Variants in CDK15 observed in about 807,000 individuals in gnomAD.
The protein encoded by CDK15 is cyclin dependent kinase 15.
A neutral mutation model predicts 60.3 loss-of-function variants in CDK15; 62 were observed. The observed-to-expected ratio is 1.03, with a 90% CI of 0.84 to 1.27. CDK15 has a LOEUF of 1.27. Ranked by LOEUF, CDK15 falls within the 50% of genes most tolerant of loss-of-function variation. The probability of loss-of-function intolerance (pLI) is 0.00; values close to 1 mark genes in which losing one functional copy is unlikely to be tolerated. For missense variants in CDK15, 541 were observed against 527.8 expected, an observed-to-expected ratio of 1.03 and a Z score of -0.25; for synonymous variants, 194 against 195.7, an observed-to-expected ratio of 0.99 and a Z score of 0.07.
chr2:201,867,454 T>A (rs917730336), intron 10 of CDK15, among the ~76,000 whole-genome samples: 16 of 152,066 alleles, frequency 1.1e-4, no homozygotes, highest in African/African-American at 3.1e-4. Flanking sequence ...GGAGACCCCA[T>A]CTCTACAGAA....
Position 201,881,208 on chromosome 2 carries a change from G to A in CDK15, c.1198+1041G>A, listed in dbSNP as rs996262724. 3.3e-5 allele frequency among the ~76,000 whole-genome samples: 5 copies of A among 152,164 alleles called. No individual in the cohort carries two copies. The East Asian group carries it at 5.8e-4, about 18-fold the overall frequency. ...GCAGCTCCTCTGTGTCTAGGACATCGTCCTGCAGCAGTCCAAAGCGCTTAG... is the reference window on the plus strand; with the variant it reads ...GCAGCTCCTCTGTGTCTAGGACATCATCCTGCAGCAGTCCAAAGCGCTTAG... On this transcript the variant is annotated intron_variant, in intron 12 of 13. Coordinates refer to ENST00000652192, the MANE Select transcript of CDK15 (RefSeq NM_001366386.2).
intron 12 of CDK15, among the ~76,000 whole-genome samples, chr2:201,881,087 G>A (rs973299535): frequency 5.3e-5 from 8 of 152,082 alleles, no homozygotes; most frequent in African/African-American, 1.7e-4. Flanking sequence ...GGGGAGTGGC[G>A]ATGGGGTGCA....
chr2:201,884,515 C>T (rs1699389691), intron 12 of CDK15, among the ~76,000 whole-genome samples: 3 of 152,110 alleles, frequency 2.0e-5, no homozygotes, highest in Admixed American at 1.3e-4. Flanking sequence ...AAATCTGAGT[C>T]GTGTTTTGTT....
intron 3 of CDK15, among the ~76,000 whole-genome samples, chr2:201,811,748 T>C (rs928837864): frequency 6.6e-6 from 1 of 152,192 alleles, no homozygotes; most frequent in Non-Finnish European, 1.5e-5. Flanking sequence ...TTCTAAGTAA[T>C]GCGTGGAGAT....
intron 9 of CDK15, among the ~76,000 whole-genome samples, chr2:201,854,241 C>A (rs1357774592): frequency 6.6e-6 from 1 of 151,720 alleles, no homozygotes; most frequent in African/African-American, 2.4e-5. Flanking sequence ...GTTCCCATGA[C>A]AATCCATCAG....
intron 10 of CDK15, chr2:201,860,744 G>A (rs900933737): frequency 3.7e-6 from 5 of 1,352,032 alleles, no homozygotes; most frequent in Non-Finnish European, 4.9e-6. Context: ...CCACCAGGTG[G>A]AAGCAAGAAA....
chr2:201,848,383 T>C (rs1177334645), intron 9 of CDK15, among the ~76,000 whole-genome samples: 1 of 152,118 alleles, frequency 6.6e-6, no homozygotes, highest in Non-Finnish European at 1.5e-5. Flanking sequence ...TTTATTGTGG[T>C]AAAATATACA....
At position 201,816,277 on chromosome 2, in the gene CDK15, C is replaced by G. The variant is rs185708020; in HGVS notation, c.448+3715C>G. On this transcript the variant is annotated intron_variant, in intron 4 of 13. Transcript: ENST00000652192. ...CCGTGTCCCTCTCCCTTCCTCTCCC[C>G]TTTTGGAGTCCCTGGTGTAGTGTCT... Among the ~76,000 whole-genome samples, 1,125 of 152,168 alleles carry G rather than the reference C, an allele frequency of 7.4e-3. 12 individuals are homozygous for G. The highest frequency in any genetic ancestry group is 0.026 in the African/African-American group (1,063 of 41,516).
intron 9 of CDK15, 73 bp from the exon 10 acceptor site, chr2:201,854,801 A>G: frequency 7.8e-7 from 1 of 1,282,366 alleles, no homozygotes. Context: ...TTTGTCCTGC[A>G]TGTCTCCATA....
chr2:201,863,858 T>C (rs970068120), intron 10 of CDK15, among the ~76,000 whole-genome samples: 1 of 152,158 alleles, frequency 6.6e-6, no homozygotes, highest in African/African-American at 2.4e-5. Context: ...ATCATGCTGC[T>C]GCACTCTAGC....
At position 201,822,914 on chromosome 2, in the gene CDK15, C is replaced by T. The variant is rs200823522; in HGVS notation, c.543+11C>T. ...GTTTTTGAATACATGGTGAGTTGTTCGAGCATTTTACAACACTTGAGAAAA... is the reference window on the plus strand; with the variant it reads ...GTTTTTGAATACATGGTGAGTTGTTTGAGCATTTTACAACACTTGAGAAAA... On this transcript the variant is annotated intron_variant, in intron 5 of 13. Coordinates refer to ENST00000652192, the MANE Select transcript of CDK15 (RefSeq NM_001366386.2). 133 of 1,539,494 alleles carry T rather than the reference C, an allele frequency of 8.6e-5. No individual in the cohort carries two copies. The highest frequency in any genetic ancestry group is 1.7e-4 in the Middle Eastern group (1 of 5,938).
At chr2:201,880,216 G>T (rs765374905) in intron 12 of CDK15, 49 bp downstream of exon 12, 50 of 1,594,366 alleles carry the variant, frequency 3.1e-5, no homozygotes, top group Non-Finnish European at 4.0e-5. Context: ...GCGTGAGTGC[G>T]TGTGTGTGTA....
In CDK15 at chr2:201,835,793, A is replaced by T. The variant is rs147629665; in HGVS notation, c.851+30A>T. 8.5e-4 allele frequency: 1,246 copies of T among 1,466,454 alleles called. 13 individuals carry two copies. The African/African-American group carries it at 0.016, about 19-fold the overall frequency. 90.8% of individuals were successfully genotyped at this position (1,466,454 alleles called of 1,614,324 possible). A position where few individuals can be genotyped will look rare whatever the true frequency, so the allele number is the denominator to read the frequency against. On this transcript the variant is annotated intron_variant, in intron 8 of 13. Transcript: ENST00000652192. The stretch of plus-strand genomic sequence containing the variant: ...GAGTGGTGCCGAGAAAATGTGAGTC[A>T]TCCTACTCACGAGGGTTGCTTTATC...
At chr2:201,853,943 C>T (rs1574905060) in intron 9 of CDK15, among the ~76,000 whole-genome samples, 3 of 152,100 alleles carry the variant, frequency 2.0e-5, no homozygotes, top group Admixed American at 6.6e-5. Flanking sequence ...GGGCAGATCA[C>T]GAGGTCAGGA....
chr2:201,857,879 C>T (rs911880429), intron 10 of CDK15, among the ~76,000 whole-genome samples: 4 of 152,164 alleles, frequency 2.6e-5, no homozygotes, highest in Non-Finnish European at 4.4e-5. Flanking sequence ...CTTCTAAACA[C>T]TTGAATGTCA....
intron 7 of CDK15, 31 bp from the exon 8 acceptor site, chr2:201,835,612 G>A (rs539708160): frequency 1.3e-5 from 20 of 1,565,438 alleles, no homozygotes; most frequent in Middle Eastern, 2.2e-4. Context: ...GGTCCAGAAC[G>A]ATGGGTTTTA....
At chr2:201,877,967 G>C (rs985994377) in intron 11 of CDK15, among the ~76,000 whole-genome samples, 1 of 152,144 alleles carries the variant, frequency 6.6e-6, no homozygotes, top group African/African-American at 2.4e-5. Flanking sequence ...CTGCATCATG[G>C]CACCTGGAAG....
chr2:201,854,923 C>G lies in CDK15; in HGVS notation c.995C>G (p.Pro332Arg). 6 of 1,613,978 alleles carry G rather than the reference C, an allele frequency of 3.7e-6. No homozygotes were observed. The highest frequency in any genetic ancestry group is 5.1e-6 in the Non-Finnish European group (6 of 1,179,872). ...EDTWPGVSKL[P>R]NYNPEWFPLP... is the part of the protein sequence containing the mutation. The stretch of plus-strand genomic sequence containing the variant: ...ACTTGGCCGGGAGTCTCCAAGCTAC[C>G]TAACTACAATCCAGGTAATATTGAT... The change falls in exon 10 of 14, where the codon CCT (proline) becomes CGT (arginine). Residue 332 changes from proline to arginine, a missense_variant. By Grantham distance (103) the Pro-to-Arg change is moderately radical. Transcript: ENST00000652192.
At chr2:201,872,226 A>G in intron 10 of CDK15, 52 bp from the exon 11 acceptor site, 1 of 1,577,460 alleles carries the variant, frequency 6.3e-7, no homozygotes. Flanking sequence ...ATATTTGGCA[A>G]CAGGGTTTTC....
Sources: gnomAD v4.1 joint callset for allele counts (sites outside exome capture counted in the v4.1 genomes callset) on GRCh38, gnomAD v4.1.1 for gene constraint, MANE v1.5 for transcripts, NCBI Gene and HGNC (gene_info 2026-07-23, HGNC 2026-07-21) for gene names.